Variants in ADCY10 observed in about 807,000 individuals in gnomAD.
The protein encoded by ADCY10 is adenylate cyclase type 10.
A neutral mutation model predicts 183.3 loss-of-function variants in ADCY10; 156 were observed. That is an observed-to-expected ratio of 0.85 (90% CI 0.75 to 0.97). ADCY10 has a LOEUF of 0.97. ADCY10 is among the 50% of genes least tolerant of loss of function. The pLI, the probability that ADCY10 is intolerant of heterozygous loss-of-function variation, is 0.00. For missense variants in ADCY10, 1,745 were observed against 1,934.3 expected (o/e 0.90, Z 1.84); for synonymous variants, 645 against 670.0 (o/e 0.96, Z 0.58).
intron 9 of ADCY10, 96 bp from the exon 10 acceptor site, chr1:167,880,705 G>T: frequency 1.2e-6 from 1 of 868,850 alleles, no homozygotes; most frequent in Non-Finnish European, 2.0e-6. Flanking sequence ...GCAATTTTTG[G>T]CTTCTGAATC....
At chr1:167,865,126 T>C (rs904941565) in intron 14 of ADCY10, among the ~76,000 whole-genome samples, 2 of 152,160 alleles carry the variant, frequency 1.3e-5, no homozygotes, top group Non-Finnish European at 2.9e-5. Flanking sequence ...GCCTCCTGAG[T>C]ACTATTGAAG....
chr1:167,855,332 A>G (rs1028836242), intron 17 of ADCY10, among the ~76,000 whole-genome samples: 1 of 150,040 alleles, frequency 6.7e-6, no homozygotes, highest in Non-Finnish European at 1.5e-5. Flanking sequence ...AAAACAAAAA[A>G]CAAACAAACA....
chr1:167,877,705 G>A (rs1667569287), intron 12 of ADCY10, among the ~76,000 whole-genome samples: 1 of 152,148 alleles, frequency 6.6e-6, no homozygotes, highest in Non-Finnish European at 1.5e-5. Context: ...AAAAGGAAGA[G>A]GAAGAAGGAA....
intron 28 of ADCY10, among the ~76,000 whole-genome samples, chr1:167,823,927 G>A (rs1394854975): frequency 6.6e-6 from 1 of 152,328 alleles, no homozygotes; most frequent in African/African-American, 2.4e-5. Flanking sequence ...AGAAGTGGAG[G>A]CCTGATTCCC....
chr1:167,890,706 A>G (rs1206439383), intron 8 of ADCY10, among the ~76,000 whole-genome samples: 1 of 152,052 alleles, frequency 6.6e-6, no homozygotes, highest in Non-Finnish European at 1.5e-5. Context: ...TGGCTCTCTT[A>G]TTTTTATAGT....
At chr1:167,843,422 C>A (rs1396056940) in intron 21 of ADCY10, among the ~76,000 whole-genome samples, 1 of 151,750 alleles carries the variant, frequency 6.6e-6, no homozygotes, top group South Asian at 2.1e-4. Context: ...TTCCCCTTTC[C>A]CTCATCTCTT....
chr1:167,824,842 T>TA lies in ADCY10; in HGVS notation c.3763dup (p.Tyr1255LeufsTer21). The TA allele has an allele frequency of 6.2e-7, 1 of 1,614,236 alleles. No individual in the cohort carries two copies. Among genetic ancestry groups the TA allele is most frequent in the South Asian group, 1.1e-5 (1 of 91,084 alleles). On this transcript the variant is annotated frameshift_variant, in exon 27 of 33. Transcript: ENST00000367851. LOFTEE classifies it high-confidence loss of function. Reference sequence around the variant, plus strand: ...GTGGTGGTATAGCGAATAGTCTAGGTAAGCCTTAATGATCTGAAATGGCAG... The same window carrying TA: ...GTGGTGGTATAGCGAATAGTCTAGGTAAAGCCTTAATGATCTGAAATGGCAG...
chr1:167,831,469 C>T (rs1004565040), intron 25 of ADCY10, among the ~76,000 whole-genome samples: 10 of 152,212 alleles, frequency 6.6e-5, no homozygotes, highest in African/African-American at 1.4e-4. Context: ...GTTGGTATTA[C>T]AGGCGTGAGC....
At chr1:167,879,341 C>A (rs1667715335) in intron 11 of ADCY10, among the ~76,000 whole-genome samples, 2 of 152,266 alleles carry the variant, frequency 1.3e-5, no homozygotes, top group Admixed American at 6.5e-5. Flanking sequence ...TGCTTGTAAG[C>A]CTTCAATTAA....
chr1:167,847,087 G>A (rs1420872676), intron 19 of ADCY10, among the ~76,000 whole-genome samples: 1 of 151,772 alleles, frequency 6.6e-6, no homozygotes, highest in African/African-American at 2.4e-5. Context: ...CACCATGCCC[G>A]GCTAATTTTT....
chr1:167,833,073 T>G lies in ADCY10; in HGVS notation c.3507A>C (p.Leu1169Phe), dbSNP rs771696899. ...CATGGATATGGAGAAACAAGGAGAT[T>G]AAGTTGTAAGGAAAGATTCGGTTGA... ...KLLNRIFPYN[L>F]ISLFLHIHVE... The change falls in exon 25 of 33, where the codon TTA (leucine) becomes TTC (phenylalanine). Residue 1169 changes from leucine to phenylalanine, a missense_variant. Transcript: ENST00000367851. 1.9e-6 allele frequency: 3 copies of G among 1,614,100 alleles called. No homozygotes were observed. The highest frequency in any genetic ancestry group is 2.5e-6 in the Non-Finnish European group (3 of 1,180,024).
At chr1:167,895,171 A>C in intron 7 of ADCY10, among the ~76,000 whole-genome samples, 1 of 142,356 alleles carries the variant, frequency 7.0e-6, no homozygotes, top group African/African-American at 2.7e-5. Context: ...GCAGAGTGAG[A>C]CTCCATCTCA....
chr1:167,883,285 A>C (rs1458148698), intron 9 of ADCY10, 152 bp downstream of exon 9: 1 of 814,522 alleles, frequency 1.2e-6, no homozygotes, highest in East Asian at 2.6e-5. Flanking sequence ...TGATCCGCCC[A>C]CCTCTGCCTC....
intron 1 of ADCY10, among the ~76,000 whole-genome samples, chr1:167,911,039 T>G (rs1257082264): frequency 6.6e-6 from 1 of 152,216 alleles, no homozygotes; most frequent in Non-Finnish European, 1.5e-5. Flanking sequence ...TTTGCTAAAG[T>G]TGTTAACACT....
At chr1:167,835,500 A>C (rs12409150) in intron 23 of ADCY10, among the ~76,000 whole-genome samples, 17 of 152,216 alleles carry the variant, frequency 1.1e-4, no homozygotes, top group African/African-American at 4.1e-4. Flanking sequence ...AGAAACATTC[A>C]CTAGTGCTTT....
chr1:167,816,070 AAGG>A (rs1010720292), intron 31 of ADCY10, among the ~76,000 whole-genome samples: 9 of 151,894 alleles, frequency 5.9e-5, no homozygotes, highest in Admixed American at 5.9e-4. Flanking sequence ...GAAATATCAG[AAGG>A]AGAAGAAAGA....
At chr1:167,903,042 G>C (rs188808762) in intron 3 of ADCY10, among the ~76,000 whole-genome samples, 1 of 152,018 alleles carries the variant, frequency 6.6e-6, no homozygotes, top group African/African-American at 2.4e-5. Flanking sequence ...ATCACCTGAG[G>C]TCAGGAGTTA....
chr1:167,867,606 A>G (rs1209538466), intron 14 of ADCY10, among the ~76,000 whole-genome samples: 6 of 152,192 alleles, frequency 3.9e-5, no homozygotes, highest in African/African-American at 1.4e-4. Context: ...TAAGCCTCCA[A>G]TGATCACAGT....
chr1:167,830,980 T>A (rs1663682861), intron 25 of ADCY10, among the ~76,000 whole-genome samples: 1 of 152,206 alleles, frequency 6.6e-6, no homozygotes, highest in Non-Finnish European at 1.5e-5. Flanking sequence ...TCCAGACCAA[T>A]GTACTTCTTA....
Sources: allele counts gnomAD v4.1 joint callset (sites outside exome capture counted in the v4.1 genomes callset), GRCh38; gene constraint gnomAD v4.1.1; transcripts MANE v1.5; gene names NCBI Gene and HGNC (gene_info 2026-07-23, HGNC 2026-07-21).